Variants in VPS53 observed in about 807,000 individuals in gnomAD.
VPS53 encodes VPS53 subunit of GARP complex, also known as vacuolar protein sorting-associated protein 53 homolog.
In VPS53, 70 loss-of-function variants were observed where a neutral mutation model predicts 107.0. The ratio of observed to expected loss-of-function variants is 0.65; its 90% CI spans 0.54 to 0.80. The LOEUF is 0.80. Among genes scored for constraint, VPS53 ranks in the 30% least tolerant of loss-of-function variants. The probability of loss-of-function intolerance (pLI) is 0.00; values close to 1 mark genes in which losing one functional copy is unlikely to be tolerated. For missense variants in VPS53, 917 were observed against 1,049.4 expected (o/e 0.87, Z 1.74); for synonymous variants, 409 against 393.3 (o/e 1.04, Z -0.47).
intron 17 of VPS53, among the ~76,000 whole-genome samples, chr17:544,449 C>G (rs1188336322): frequency 6.6e-5 from 10 of 152,050 alleles, no homozygotes; most frequent in Non-Finnish European, 1.5e-4. Context: ...CTGATTTTGC[C>G]TCAGTTGCCA....
chr17:632,420 T>A (rs1161002754), intron 7 of VPS53, among the ~76,000 whole-genome samples: 1 of 152,148 alleles, frequency 6.6e-6, no homozygotes, highest in Non-Finnish European at 1.5e-5. Flanking sequence ...ATGGGGTACC[T>A]GTGAAGTCTT....
Position 680,121 on chromosome 17 carries a change from C to T in VPS53, c.285+17297G>A, listed in dbSNP as rs575295136. On this transcript the variant is annotated intron_variant, in intron 4 of 21. Transcript: ENST00000437048. ...CCAATCTGGCCAACATGGTGAAACCCCATCTCTACTACAAATACAAAAATT... is the reference window on the plus strand; with the variant it reads ...CCAATCTGGCCAACATGGTGAAACCTCATCTCTACTACAAATACAAAAATT... 3.3e-5 allele frequency among the ~76,000 whole-genome samples: 5 copies of T among 152,264 alleles called. No individual in the cohort carries two copies. In the East Asian group the frequency reaches 9.6e-4, roughly 29 times the overall value.
At chr17:702,423 T>G (rs1973236661) in intron 2 of VPS53, among the ~76,000 whole-genome samples, 1 of 151,836 alleles carries the variant, frequency 6.6e-6, no homozygotes, top group South Asian at 2.1e-4. Flanking sequence ...CCCAGCACTT[T>G]GAGGCCGAGG....
At chr17:546,801 T>C (rs1023625131) in intron 17 of VPS53, among the ~76,000 whole-genome samples, 2 of 151,918 alleles carry the variant, frequency 1.3e-5, no homozygotes, top group African/African-American at 2.4e-5. Context: ...AGTGTGGCAC[T>C]TTCTCAAAAT....
intron 11 of VPS53, among the ~76,000 whole-genome samples, chr17:603,434 C>G (rs1478900330): frequency 1.3e-5 from 2 of 152,194 alleles, no homozygotes; most frequent in Non-Finnish European, 2.9e-5. Flanking sequence ...AAATAAAATA[C>G]AATAAAATAA....
chr17:651,124 A>G (rs1257713587), intron 7 of VPS53, among the ~76,000 whole-genome samples: 1 of 152,184 alleles, frequency 6.6e-6, no homozygotes, highest in East Asian at 1.9e-4. Context: ...CACTGAAACT[A>G]CAGATTTATG....
chr17:637,035 T>A (rs1165701584), intron 7 of VPS53, among the ~76,000 whole-genome samples: 2 of 152,226 alleles, frequency 1.3e-5, no homozygotes, highest in African/African-American at 4.8e-5. Flanking sequence ...CGGCTGTGAA[T>A]CCATCTGGTC....
At chr17:709,818 C>A (rs1269567484) in intron 2 of VPS53, among the ~76,000 whole-genome samples, 1 of 152,102 alleles carries the variant, frequency 6.6e-6, no homozygotes, top group Non-Finnish European at 1.5e-5. Flanking sequence ...AGGAAAATCA[C>A]CGGACAAAAA....
chr17:684,832 C>G (rs1317529242), intron 4 of VPS53, among the ~76,000 whole-genome samples: 1 of 151,818 alleles, frequency 6.6e-6, no homozygotes, highest in Non-Finnish European at 1.5e-5. Flanking sequence ...CTAAAGAATA[C>G]AAAAAATTAG....
intron 7 of VPS53, among the ~76,000 whole-genome samples, chr17:631,915 G>A (rs559182491): frequency 6.6e-6 from 1 of 152,166 alleles, no homozygotes; most frequent in South Asian, 2.1e-4. Flanking sequence ...CTGGGGGATA[G>A]TCATGCTGTG....
chr17:527,226 C>G (rs111840312), intron 19 of VPS53, among the ~76,000 whole-genome samples: 11,285 of 152,270 alleles, frequency 0.074, 575 homozygotes, highest in Middle Eastern at 0.11. Flanking sequence ...AACAAACTCT[C>G]CTGCTGTCTC....
intron 4 of VPS53, among the ~76,000 whole-genome samples, chr17:691,347 C>A (rs1161614161): frequency 1.3e-5 from 2 of 152,214 alleles, no homozygotes; most frequent in Non-Finnish European, 1.5e-5. Flanking sequence ...CTGAACTAGT[C>A]TGTCCTGTGG....
chr17:527,355 C>G (rs1161445047), intron 19 of VPS53, among the ~76,000 whole-genome samples: 1 of 152,186 alleles, frequency 6.6e-6, no homozygotes. Context: ...CTCTCCTGCT[C>G]TCTCTCACTG....
intron 11 of VPS53, among the ~76,000 whole-genome samples, chr17:617,125 C>T (rs1473751252): frequency 6.6e-6 from 1 of 152,224 alleles, no homozygotes; most frequent in Non-Finnish European, 1.5e-5. Context: ...TCCTGATGCT[C>T]TCCGGACCCT....
At chr17:572,469 T>G (rs1914250862) in intron 13 of VPS53, among the ~76,000 whole-genome samples, 2 of 98,260 alleles carry the variant, frequency 2.0e-5, no homozygotes, top group Non-Finnish European at 4.1e-5. Flanking sequence ...GGGGCGCCTC[T>G]GCCCGGCCGC....
chr17:526,372 C>T (rs950434972), intron 19 of VPS53, among the ~76,000 whole-genome samples: 1 of 152,192 alleles, frequency 6.6e-6, no homozygotes, highest in East Asian at 1.9e-4. Flanking sequence ...TCTCTAGTGT[C>T]CCTCATATAC....
At position 639,128 on chromosome 17, in the gene VPS53, T is replaced by C. The variant is rs1284426585; in HGVS notation, c.609-7500A>G. On this transcript the variant is annotated intron_variant, in intron 7 of 21. Coordinates refer to ENST00000437048, the MANE Select transcript of VPS53 (RefSeq NM_001128159.3). ...GCTTTGTTCATTTCTTTTTACTCTT[T>C]ATTCTCTAAACTTCTCTTCTTGCTT... Among the ~76,000 whole-genome samples, 9 of 152,240 alleles carry C rather than the reference T, an allele frequency of 5.9e-5. No homozygotes were observed. The East Asian group carries it at 1.7e-3, about 29-fold the overall frequency.
chr17:661,925 A>G lies in VPS53; in HGVS notation c.286-30T>C, dbSNP rs759181036. 180 of 1,537,942 alleles carry G rather than the reference A, an allele frequency of 1.2e-4. 2 individuals carry two copies. The highest frequency in any genetic ancestry group is 1.7e-4 in the Middle Eastern group (1 of 5,994). ...AGTAAGGGAAATACATGAAAAACAA[A>G]AAGTGGCTAGAGACAGCTCCAGTCA... On this transcript the variant is annotated intron_variant, in intron 4 of 21. Transcript: ENST00000437048.
chr17:706,647 G>A (rs1973413498), intron 2 of VPS53, among the ~76,000 whole-genome samples: 1 of 152,120 alleles, frequency 6.6e-6, no homozygotes, highest in Non-Finnish European at 1.5e-5. Flanking sequence ...TGTGTTGGTA[G>A]ACTATATCTG....
Sources: gnomAD v4.1 joint callset for allele counts (sites outside exome capture counted in the v4.1 genomes callset) on GRCh38, gnomAD v4.1.1 for gene constraint, MANE v1.5 for transcripts, NCBI Gene and HGNC (gene_info 2026-07-23, HGNC 2026-07-21) for gene names.